ARHGEF12: variants seen among roughly 807,000 people sequenced by gnomAD.
ARHGEF12 encodes the protein Rho guanine nucleotide exchange factor 12.
A neutral mutation model predicts 211.2 loss-of-function variants in ARHGEF12; 66 were observed. That is an observed-to-expected ratio of 0.31 (90% CI 0.26 to 0.38). ARHGEF12 has a LOEUF of 0.38. Among genes scored for constraint, ARHGEF12 ranks in the 10% least tolerant of loss-of-function variants. ARHGEF12 has a pLI of 1.00. For synonymous variants in ARHGEF12, 592 were observed against 638.4 expected, an observed-to-expected ratio of 0.93 and a Z score of 1.09; for missense variants, 1,429 against 1,869.5, an observed-to-expected ratio of 0.76 and a Z score of 4.34.
chr11:120,470,118 G>A (rs148898692), intron 30 of ARHGEF12, among the ~76,000 whole-genome samples: 1 of 152,338 alleles, frequency 6.6e-6, no homozygotes, highest in African/African-American at 2.4e-5. Flanking sequence ...AGGCCCTAGA[G>A]ATCAGGTTAA....
intron 1 of ARHGEF12, among the ~76,000 whole-genome samples, chr11:120,364,094 C>A (rs1943355768): frequency 6.6e-6 from 1 of 152,120 alleles, no homozygotes; most frequent in Non-Finnish European, 1.5e-5. Context: ...CAGGCTCGAG[C>A]CACTGTGCCT....
chr11:120,445,992 G>T (rs1946034036), intron 16 of ARHGEF12, among the ~76,000 whole-genome samples: 1 of 152,054 alleles, frequency 6.6e-6, no homozygotes, highest in African/African-American at 2.4e-5. Context: ...ACGAGGTCAG[G>T]AGATCGACCA....
Position 120,441,816 on chromosome 11 carries a change from T to C in ARHGEF12, c.1202T>C (p.Leu401Ser), listed in dbSNP as rs2135784986. 6.2e-7 allele frequency: 1 copy of C among 1,612,842 alleles called. No individual in the cohort carries two copies. The highest frequency in any genetic ancestry group is 8.5e-7 in the Non-Finnish European group (1 of 1,178,962). ...GTTTCACAATTTGACCCTGCGACTTTGGTAATATATTTTACAATCTAGCAG... is the reference window on the plus strand; with the variant it reads ...GTTTCACAATTTGACCCTGCGACTTCGGTAATATATTTTACAATCTAGCAG... ...HVVSQFDPATLLCYLYSDLYK... is the reference protein window; with the variant it reads ...HVVSQFDPATSLCYLYSDLYK... Residue 401 changes from leucine to serine, a missense_variant and splice_region_variant, in exon 14 of 41, where the codon TTG becomes TCG. Leu to Ser is a moderately radical substitution (Grantham distance 145). This residue lies in a region of ARHGEF12 where 373 missense variants were observed against 467.5 expected (regional missense o/e 0.80). Transcript: ENST00000397843.
chr11:120,466,810 A>G (rs12417256), intron 28 of ARHGEF12, among the ~76,000 whole-genome samples: 1 of 152,056 alleles, frequency 6.6e-6, no homozygotes, highest in Non-Finnish European at 1.5e-5. Context: ...TCCATTGTGC[A>G]TACTTGGAAT....
chr11:120,413,981 G>C (rs1045551811), intron 4 of ARHGEF12, among the ~76,000 whole-genome samples: 1 of 152,068 alleles, frequency 6.6e-6, no homozygotes, highest in African/African-American at 2.4e-5. Flanking sequence ...TTCAGGAACA[G>C]TTATAGAATG....
At chr11:120,433,079 G>A (rs1415448233) in intron 11 of ARHGEF12, among the ~76,000 whole-genome samples, 1 of 152,130 alleles carries the variant, frequency 6.6e-6, no homozygotes, top group East Asian at 1.9e-4. Context: ...ATGTTCCTTA[G>A]TTAATTCTCA....
chr11:120,477,238 C>T lies in ARHGEF12; in HGVS notation c.3385C>T (p.Arg1129Trp), dbSNP rs1947064170. 6 of 1,613,792 alleles carry T rather than the reference C, an allele frequency of 3.7e-6. No individual in the cohort carries two copies. The highest frequency in any genetic ancestry group is 5.1e-6 in the Non-Finnish European group (6 of 1,179,990). ...CTGAAGCTGGCAGGACCTAATCTGTCGGATGGCTGCATCAGTGAAGGAGCA... is the reference window on the plus strand; with the variant it reads ...CTGAAGCTGGCAGGACCTAATCTGTTGGATGGCTGCATCAGTGAAGGAGCA... ...EKTVWQDLIC[R>W]MAASVKEQST... Residue 1129 changes from arginine to tryptophan, a missense_variant, in exon 35 of 41, where the codon CGG becomes TGG. Coordinates refer to ENST00000397843, the MANE Select transcript of ARHGEF12 (RefSeq NM_015313.3).
At chr11:120,452,244 T>C (rs960915560) in intron 22 of ARHGEF12, among the ~76,000 whole-genome samples, 7 of 152,054 alleles carry the variant, frequency 4.6e-5, no homozygotes, top group Non-Finnish European at 1.0e-4. Context: ...AACAGAGTTG[T>C]GAGGAGAGAG....
At chr11:120,484,952 C>T in intron 40 of ARHGEF12, 115 bp from the exon 41 acceptor site, 1 of 1,104,496 alleles carries the variant, frequency 9.1e-7, no homozygotes, top group Non-Finnish European at 1.3e-6. Flanking sequence ...CATCTGCTTA[C>T]ATACTGATTC....
intron 32 of ARHGEF12, 133 bp downstream of exon 32, chr11:120,474,768 C>T: frequency 1.6e-6 from 1 of 613,516 alleles, no homozygotes; most frequent in Non-Finnish European, 2.9e-6. Context: ...GTTATTTGTA[C>T]ATTTGTAGAT....
intron 1 of ARHGEF12, among the ~76,000 whole-genome samples, chr11:120,342,983 G>C (rs933911500): frequency 6.6e-6 from 1 of 151,904 alleles, no homozygotes; most frequent in African/African-American, 2.4e-5. Flanking sequence ...AACATTCCTC[G>C]ATGTTTGGTT....
At chr11:120,377,615 A>T (rs1943764395) in intron 1 of ARHGEF12, among the ~76,000 whole-genome samples, 1 of 152,182 alleles carries the variant, frequency 6.6e-6, no homozygotes, top group Non-Finnish European at 1.5e-5. Flanking sequence ...GATTACAGGC[A>T]TGAGCCACTA....
intron 1 of ARHGEF12, among the ~76,000 whole-genome samples, chr11:120,359,377 A>G (rs1943218044): frequency 6.6e-6 from 1 of 152,020 alleles, no homozygotes; most frequent in African/African-American, 2.4e-5. Context: ...GCATGCCACC[A>G]TGCTCAGCTA....
At chr11:120,414,750 G>A (rs971428826) in intron 4 of ARHGEF12, among the ~76,000 whole-genome samples, 8 of 152,240 alleles carry the variant, frequency 5.3e-5, no homozygotes, top group African/African-American at 1.9e-4. Context: ...TGAAAAACGT[G>A]TTTATTATTA....
chr11:120,356,252 G>C (rs1206972208), intron 1 of ARHGEF12, among the ~76,000 whole-genome samples: 1 of 152,118 alleles, frequency 6.6e-6, no homozygotes, highest in East Asian at 1.9e-4. Context: ...ACCGAGTCTT[G>C]CTCTGTCTCC....
chr11:120,391,181 A>C (rs1944206268), intron 1 of ARHGEF12, among the ~76,000 whole-genome samples: 1 of 152,206 alleles, frequency 6.6e-6, no homozygotes, highest in Non-Finnish European at 1.5e-5. Flanking sequence ...GAAATGTGAC[A>C]CAATTTACTG....
chr11:120,374,525 T>C (rs1943672491), intron 1 of ARHGEF12, among the ~76,000 whole-genome samples: 1 of 152,200 alleles, frequency 6.6e-6, no homozygotes, highest in African/African-American at 2.4e-5. Flanking sequence ...ATTTTTCTTC[T>C]TGGCCTTAAA....
intron 1 of ARHGEF12, among the ~76,000 whole-genome samples, chr11:120,353,420 A>T (rs1943047445): frequency 6.6e-6 from 1 of 152,204 alleles, no homozygotes; most frequent in African/African-American, 2.4e-5. Context: ...GGCCAGTCCT[A>T]GGTCTGAAAA....
At position 120,475,374 on chromosome 11, in the gene ARHGEF12, A is replaced by G. The variant is rs760317666; in HGVS notation, c.3144A>G (p.Val1048=). The change falls in exon 33 of 41, where the codon GTA becomes GTG. Residue 1048 remains valine, a synonymous_variant. Coordinates refer to ENST00000397843, the MANE Select transcript of ARHGEF12 (RefSeq NM_015313.3). ...LYTLLLEDIL[V]LLQKQDDRLV... is the part of the protein sequence containing the mutation. ...CGTTGCTGCTGGAAGACATTCTTGTATTGTTACAAAAGCAGGATGATAGAC... is the reference window on the plus strand; with the variant it reads ...CGTTGCTGCTGGAAGACATTCTTGTGTTGTTACAAAAGCAGGATGATAGAC... The G allele has an allele frequency of 2.5e-6, 4 of 1,613,978 alleles. No individual in the cohort carries two copies. The South Asian group carries it at 3.3e-5, about 13-fold the overall frequency.
Sources: allele counts gnomAD v4.1 joint callset (sites outside exome capture counted in the v4.1 genomes callset), GRCh38; gene constraint gnomAD v4.1.1; regional missense constraint gnomAD v4.1.1; transcripts MANE v1.5; gene names NCBI Gene and HGNC (gene_info 2026-07-23, HGNC 2026-07-21).